KCNH5: variants seen among roughly 807,000 people sequenced by gnomAD.
KCNH5 encodes the protein potassium voltage-gated channel subfamily H member 5.
KCNH5 carries 46 observed loss-of-function variants against 96.1 expected under a neutral mutation model. The ratio of observed to expected loss-of-function variants is 0.48; its 90% CI spans 0.38 to 0.61. The LOEUF (loss-of-function observed/expected upper bound fraction) is 0.61, where lower values mean the gene tolerates loss of function less well. Among genes scored for constraint, KCNH5 ranks in the 20% least tolerant of loss-of-function variants. The pLI is 0.00. For synonymous variants in KCNH5, 439 were observed against 449.8 expected, an observed-to-expected ratio of 0.98 and a Z score of 0.30; for missense variants, 907 against 1,225.8, an observed-to-expected ratio of 0.74 and a Z score of 3.88.
intron 10 of KCNH5, among the ~76,000 whole-genome samples, chr14:62,751,405 G>C (rs1885495976): frequency 6.6e-6 from 1 of 152,208 alleles, no homozygotes; most frequent in Admixed American, 6.5e-5. Context: ...GGTTACCCAA[G>C]GCTCCTCTAG....
rs926041806 is a variant in KCNH5 at position 62,705,400 on chromosome 14, C to A, written c.*2108G>T. 5 of 151,946 alleles carry A rather than the reference C, an allele frequency of 3.3e-5. No homozygotes were observed. The highest frequency in any genetic ancestry group is 1.2e-4 in the African/African-American group (5 of 41,410). The allele number at this position is 151,946 out of a possible 1,614,324, so 9.4% of individuals were successfully genotyped here. A position where few individuals can be genotyped will look rare whatever the true frequency, so the allele number is the denominator to read the frequency against. ...TGACTTAAACAAATAGAAAAATACC[C>A]TGAAATTCAATAAATGTCAGAGGTC... On this transcript the variant is annotated 3_prime_UTR_variant, in exon 11 of 11. Coordinates refer to ENST00000322893, the MANE Select transcript of KCNH5 (RefSeq NM_139318.5).
In KCNH5 at chr14:62,728,726, A is replaced by G. The variant is rs546257154; in HGVS notation, c.2020-20271T>C. ...ATTTTCTTCATTTTTAAAAGGGGATACTAACTGGGCCTTATATGATGGTTG... is the reference window on the plus strand; with the variant it reads ...ATTTTCTTCATTTTTAAAAGGGGATGCTAACTGGGCCTTATATGATGGTTG... On this transcript the variant is annotated intron_variant, in intron 10 of 10. Transcript: ENST00000322893. 3.9e-5 allele frequency among the ~76,000 whole-genome samples: 6 copies of G among 152,286 alleles called. No individual in the cohort carries two copies. The South Asian group carries it at 1.2e-3, about 32-fold the overall frequency.
At chr14:62,787,462 A>T in intron 9 of KCNH5, among the ~76,000 whole-genome samples, 1 of 152,332 alleles carries the variant, frequency 6.6e-6, no homozygotes, top group East Asian at 1.9e-4. Context: ...AAGCTGAAAC[A>T]CAAGTACTGA....
intron 7 of KCNH5, among the ~76,000 whole-genome samples, chr14:62,897,536 A>G (rs943070892): frequency 6.6e-6 from 1 of 152,196 alleles, no homozygotes; most frequent in Middle Eastern, 3.2e-3. Flanking sequence ...TGGGGGGAAA[A>G]AAAACTGCAC....
intron 1 of KCNH5, among the ~76,000 whole-genome samples, chr14:63,024,485 G>C (rs533308017): frequency 1.3e-5 from 2 of 152,062 alleles, no homozygotes; most frequent in African/African-American, 4.8e-5. Context: ...TAAAAGGTCA[G>C]TGAAACTACA....
rs756506083 is a variant in KCNH5, at chr14:62,981,048, C to T, written c.766G>A (p.Val256Ile). Residue 256 changes from valine to isoleucine, a missense_variant, in exon 6 of 11, where the codon GTT becomes ATT. Val to Ile is a conservative substitution (Grantham distance 29). Transcript: ENST00000322893. ...AWLVLDSVVD[V>I]IFLVDIVLNF... The stretch of plus-strand genomic sequence containing the variant: ...AAAACGATGTCAACCAGAAAAATAA[C>T]GTCCACCACACTATCCAGTACCAGC... 12 of 1,614,146 alleles carry T rather than the reference C, an allele frequency of 7.4e-6. No homozygotes were observed. Among genetic ancestry groups the T allele is most frequent in the East Asian group, 2.2e-5 (1 of 44,874 alleles).
chr14:62,708,749 T>C (rs1884499960), intron 10 of KCNH5, among the ~76,000 whole-genome samples: 1 of 152,080 alleles, frequency 6.6e-6, no homozygotes, highest in Non-Finnish European at 1.5e-5. Context: ...GAGAGGTACT[T>C]TGCTTCTAGT....
chr14:62,790,234 G>C (rs190747812), intron 9 of KCNH5, among the ~76,000 whole-genome samples: 3 of 151,662 alleles, frequency 2.0e-5, no homozygotes, highest in Admixed American at 6.6e-5. Context: ...TTATTTCTGG[G>C]CTCTCTGTTC....
At chr14:62,827,090 G>C (rs1887242460) in intron 8 of KCNH5, among the ~76,000 whole-genome samples, 1 of 151,968 alleles carries the variant, frequency 6.6e-6, no homozygotes, top group East Asian at 1.9e-4. Flanking sequence ...TAAATGAAAA[G>C]ATTCAAAAAA....
intron 7 of KCNH5, among the ~76,000 whole-genome samples, chr14:62,856,870 T>C (rs1403262551): frequency 6.6e-6 from 1 of 152,034 alleles, no homozygotes; most frequent in African/African-American, 2.4e-5. Context: ...TCAATAACTT[T>C]AAGTGTTAAA....
Position 62,742,611 on chromosome 14 carries a change from G to T in KCNH5, c.2020-34156C>A, listed in dbSNP as rs561709039. Among the ~76,000 whole-genome samples, 5 of 152,312 alleles carry T rather than the reference G, an allele frequency of 3.3e-5. No individual in the cohort carries two copies. The East Asian group carries it at 9.7e-4, about 29-fold the overall frequency. ...GTGAGTCTAAACTACAGCCTTAGTG[G>T]AAAACCATCGCTTTAAACACGTCTT... is the stretch of plus-strand genomic sequence containing the variant. On this transcript the variant is annotated intron_variant, in intron 10 of 10. Transcript: ENST00000322893.
intron 6 of KCNH5, among the ~76,000 whole-genome samples, chr14:62,955,662 T>C (rs1054861421): frequency 6.6e-6 from 1 of 152,154 alleles, no homozygotes; most frequent in Non-Finnish European, 1.5e-5. Context: ...GGCTTAAACA[T>C]GAGCATTCTC....
intron 8 of KCNH5, among the ~76,000 whole-genome samples, chr14:62,814,576 A>C (rs1273964741): frequency 6.6e-6 from 1 of 152,030 alleles, no homozygotes; most frequent in African/African-American, 2.4e-5. Context: ...GCCAGTCAGG[A>C]GCTTGAGACC....
At chr14:62,774,080 T>C (rs1174232770) in intron 10 of KCNH5, among the ~76,000 whole-genome samples, 1 of 152,142 alleles carries the variant, frequency 6.6e-6, no homozygotes, top group Non-Finnish European at 1.5e-5. Flanking sequence ...TTATGACTAT[T>C]GCAGCATAAG....
At chr14:62,846,480 C>A (rs1433897552) in intron 8 of KCNH5, among the ~76,000 whole-genome samples, 1 of 151,786 alleles carries the variant, frequency 6.6e-6, no homozygotes, top group Non-Finnish European at 1.5e-5. Flanking sequence ...AATATATTCA[C>A]ATATTTTCTT....
At chr14:62,761,327 C>T (rs1009520824) in intron 10 of KCNH5, among the ~76,000 whole-genome samples, 5 of 149,240 alleles carry the variant, frequency 3.4e-5, no homozygotes, top group Admixed American at 2.0e-4. Context: ...TGCACTTCAA[C>T]CTGGGTGACA....
At chr14:62,972,592 T>C (rs1890429815) in intron 6 of KCNH5, among the ~76,000 whole-genome samples, 1 of 152,272 alleles carries the variant, frequency 6.6e-6, no homozygotes, top group South Asian at 2.1e-4. Context: ...TTTGCAAAAC[T>C]TGGAAGCATC....
chr14:62,735,115 T>C (rs1316339787), intron 10 of KCNH5, among the ~76,000 whole-genome samples: 1 of 152,156 alleles, frequency 6.6e-6, no homozygotes, highest in Non-Finnish European at 1.5e-5. Flanking sequence ...ACAATCCTTA[T>C]ACCTGACACC....
chr14:63,043,934 G>GATGTGTA (rs1461640265), intron 1 of KCNH5, among the ~76,000 whole-genome samples: 1 of 152,180 alleles, frequency 6.6e-6, no homozygotes, highest in Non-Finnish European at 1.5e-5. Context: ...AAGAAGAGGG[G>GATGTGTA]ATGTGTATTA....
Sources: allele counts gnomAD v4.1 joint callset (sites outside exome capture counted in the v4.1 genomes callset), GRCh38; gene constraint gnomAD v4.1.1; transcripts MANE v1.5; gene names NCBI Gene and HGNC (gene_info 2026-07-23, HGNC 2026-07-21).